Variants in TRIM2 observed in about 807,000 individuals in gnomAD.
TRIM2 encodes the protein tripartite motif containing 2, also known as tripartite motif-containing protein 2.
TRIM2 carries 20 observed loss-of-function variants against 75.2 expected under a neutral mutation model. The ratio of observed to expected loss-of-function variants is 0.27; its 90% CI spans 0.19 to 0.39. The LOEUF is 0.39. Among genes scored for constraint, TRIM2 ranks in the 10% least tolerant of loss-of-function variants. The pLI, the probability that TRIM2 is intolerant of heterozygous loss-of-function variation, is 1.00. For synonymous variants in TRIM2, 373 were observed against 388.3 expected (o/e 0.96, Z 0.46); for missense variants, 660 against 990.8 (o/e 0.67, Z 4.48).
chr4:153,318,496 T>TA lies in TRIM2; in HGVS notation c.1782+2502dup, dbSNP rs200682090. 3.1e-3 allele frequency among the ~76,000 whole-genome samples: 477 copies of TA among 152,308 alleles called. 1 individual carries two copies. The highest frequency in any genetic ancestry group is 0.011 in the African/African-American group (438 of 41,564). ...GCTCTGTATGATGACCACATATATA[T>TA]AAAAATCTCCTGCCTTTCTGTAGCT... On this transcript the variant is annotated intron_variant, in intron 8 of 11. Transcript: ENST00000338700.
At chr4:153,169,945 A>T (rs1405928984) in intron 1 of TRIM2, among the ~76,000 whole-genome samples, 1 of 152,264 alleles carries the variant, frequency 6.6e-6, no homozygotes, top group Non-Finnish European at 1.5e-5. Context: ...AATCAGGCAC[A>T]TTCTAACTTC....
At chr4:153,158,942 C>T (rs1029630082) in intron 1 of TRIM2, among the ~76,000 whole-genome samples, 2 of 152,126 alleles carry the variant, frequency 1.3e-5, no homozygotes, top group Non-Finnish European at 1.5e-5. Context: ...TCTTGGAGAC[C>T]GGTGGTTGGG....
chr4:153,338,799 C>T lies in TRIM2; in HGVS notation c.*3833C>T, dbSNP rs1166246652. The T allele has an allele frequency of 4.1e-6, 4 of 985,634 alleles. No individual in the cohort carries two copies. In the Admixed American group the frequency reaches 2.5e-4, roughly 61 times the overall value. The allele number at this position is 985,634 out of a possible 1,614,324, so 61.1% of individuals were successfully genotyped here. A position where few individuals can be genotyped will look rare whatever the true frequency, so the allele number is the denominator to read the frequency against. ...TGTTCCAATGAATGTACAGCACTTC[C>T]ATTAACTTTTGAAAGCAACACAGCC... On this transcript the variant is annotated 3_prime_UTR_variant, in exon 12 of 12. Coordinates refer to ENST00000338700, the MANE Select transcript of TRIM2 (RefSeq NM_015271.5).
intron 2 of TRIM2, among the ~76,000 whole-genome samples, chr4:153,273,354 C>G (rs1441243790): frequency 7.0e-6 from 1 of 143,544 alleles, no homozygotes; most frequent in Non-Finnish European, 1.5e-5. Flanking sequence ...CGGCTCACTG[C>G]AAGCTCCACC....
intron 6 of TRIM2, among the ~76,000 whole-genome samples, chr4:153,306,917 G>A (rs1436766446): frequency 1.3e-5 from 2 of 152,234 alleles, no homozygotes; most frequent in African/African-American, 4.8e-5. Context: ...AGAAATGGAA[G>A]CTTAGAGAAG....
At chr4:153,243,828 C>T (rs63529660) in intron 1 of TRIM2, among the ~76,000 whole-genome samples, 2 of 107,036 alleles carry the variant, frequency 1.9e-5, no homozygotes, top group African/African-American at 8.9e-5. Flanking sequence ...TCCCCCCCCC[C>T]TTGAGACAGG....
At chr4:153,250,444 A>G (rs1750591858) in intron 1 of TRIM2, among the ~76,000 whole-genome samples, 1 of 152,194 alleles carries the variant, frequency 6.6e-6, no homozygotes, top group Admixed American at 6.5e-5. Context: ...CTACAAAACT[A>G]CAGAACTCCC....
upstream of TRIM2, among the ~76,000 whole-genome samples, chr4:153,203,384 C>A (rs1381474010): frequency 7.1e-6 from 1 of 141,574 alleles, no homozygotes; most frequent in Non-Finnish European, 1.5e-5. Context: ...TATAGTGAGA[C>A]CCACATCTCT....
intron 1 of TRIM2, among the ~76,000 whole-genome samples, chr4:153,239,081 G>A (rs1745778525): frequency 6.6e-6 from 1 of 152,128 alleles, no homozygotes; most frequent in African/African-American, 2.4e-5. Context: ...GGCCGGGCGT[G>A]GTGGCTCACG....
intron 1 of TRIM2, among the ~76,000 whole-genome samples, chr4:153,228,394 A>T (rs1215650913): frequency 6.6e-6 from 1 of 152,262 alleles, no homozygotes; most frequent in African/African-American, 2.4e-5. Flanking sequence ...CTTTAAAAGT[A>T]ACTCCAGGGA....
intron 1 of TRIM2, among the ~76,000 whole-genome samples, chr4:153,227,637 G>A (rs576172641): frequency 2.6e-5 from 4 of 152,292 alleles, no homozygotes; most frequent in South Asian, 2.1e-4. Context: ...TTTGCATCTC[G>A]TTAGCTTGCC....
chr4:153,280,270 C>G (rs964678292), intron 3 of TRIM2, among the ~76,000 whole-genome samples: 1 of 151,688 alleles, frequency 6.6e-6, no homozygotes, highest in Non-Finnish European at 1.5e-5. Context: ...ATTTGTGATA[C>G]GCTTATAACC....
intron 1 of TRIM2, among the ~76,000 whole-genome samples, chr4:153,244,355 C>CCTCT (rs1748075400): frequency 5.5e-4 from 7 of 12,696 alleles, no homozygotes; most frequent in Admixed American, 8.2e-4. Context: ...CTTCTTCTTC[C>CCTCT]TCTTCTTCTT....
At chr4:153,289,003 A>G (rs965721153) in intron 3 of TRIM2, among the ~76,000 whole-genome samples, 27 of 152,170 alleles carry the variant, frequency 1.8e-4, no homozygotes, top group Non-Finnish European at 3.1e-4. Flanking sequence ...TTTTTTATAT[A>G]TGGTTTCCAT....
intron 1 of TRIM2, among the ~76,000 whole-genome samples, chr4:153,265,249 T>A (rs1164305542): frequency 6.6e-6 from 1 of 152,104 alleles, no homozygotes; most frequent in Non-Finnish European, 1.5e-5. Context: ...CAAAGGGTAC[T>A]ATGAAAAATT....
At chr4:153,257,976 A>G (rs1381775278) in intron 1 of TRIM2, among the ~76,000 whole-genome samples, 1 of 152,170 alleles carries the variant, frequency 6.6e-6, no homozygotes, top group Non-Finnish European at 1.5e-5. Context: ...ATCAAGTTCT[A>G]ATGTGATCTG....
intron 1 of TRIM2, among the ~76,000 whole-genome samples, chr4:153,214,466 T>C (rs555439217): frequency 2.0e-4 from 30 of 152,324 alleles, no homozygotes; most frequent in African/African-American, 6.7e-4. Flanking sequence ...ATCTGTAAAA[T>C]TGCTTTTTGT....
Position 153,303,234 on chromosome 4 carries a change from C to T in TRIM2, c.1510+7198C>T, listed in dbSNP as rs373495608. Among the ~76,000 whole-genome samples the T allele has an allele frequency of 1.2e-4, 18 of 151,956 alleles. No individual in the cohort carries two copies. In the East Asian group the frequency reaches 1.4e-3, roughly 11 times the overall value. On this transcript the variant is annotated intron_variant, in intron 6 of 11. Coordinates refer to ENST00000338700, the MANE Select transcript of TRIM2 (RefSeq NM_015271.5). ...ATCCTGGCACTTTGGGAGGCTGTGG[C>T]GGGCGGACCACCTGAGGTCAGCAGT...
At chr4:153,255,261 T>C (rs1751792028) in intron 1 of TRIM2, among the ~76,000 whole-genome samples, 1 of 152,222 alleles carries the variant, frequency 6.6e-6, no homozygotes, top group African/African-American at 2.4e-5. Flanking sequence ...AATGAATGAT[T>C]GAATGAGTAA....
Sources: allele counts gnomAD v4.1 joint callset (sites outside exome capture counted in the v4.1 genomes callset), GRCh38; gene constraint gnomAD v4.1.1; transcripts MANE v1.5; gene names NCBI Gene and HGNC (gene_info 2026-07-23, HGNC 2026-07-21).